Variants in CDH12 observed in about 807,000 individuals in gnomAD.
The protein encoded by CDH12 is cadherin 12.
Under a neutral mutation model 74.1 loss-of-function variants are expected in CDH12, and 41 were observed. That is an observed-to-expected ratio of 0.55 (90% confidence interval 0.43 to 0.72). CDH12 has a LOEUF of 0.72. CDH12 is among the 30% of genes least tolerant of loss of function. CDH12 has a pLI of 0.00. For missense variants in CDH12, 945 were observed against 977.2 expected (o/e 0.97, Z 0.44); for synonymous variants, 399 against 355.0 (o/e 1.12, Z -1.39).
chr5:22,325,542 G>C (rs965374560), intron 3 of CDH12, among the ~76,000 whole-genome samples: 3 of 149,890 alleles, frequency 2.0e-5, no homozygotes, highest in Non-Finnish European at 4.4e-5. Context: ...TTAGAAAGTA[G>C]AACTTCATTC....
Position 22,742,814 on chromosome 5 carries a change from C to G in CDH12, c.-523+110244G>C, listed in dbSNP as rs538041003. Among the ~76,000 whole-genome samples the G allele has an allele frequency of 2.8e-4, 42 of 151,626 alleles. 1 individual carries two copies. Among genetic ancestry groups the G allele is most frequent in the African/African-American group, 8.9e-4 (37 of 41,406 alleles). ...TATACACAGGTATATTTGCATTCCACTATGTGGTGGTTAATTTTATGTGTC... is the reference window on the plus strand; with the variant it reads ...TATACACAGGTATATTTGCATTCCAGTATGTGGTGGTTAATTTTATGTGTC... On this transcript the variant is annotated intron_variant, in intron 1 of 14. Transcript: ENST00000382254.
intron 3 of CDH12, among the ~76,000 whole-genome samples, chr5:22,364,416 A>C (rs952738042): frequency 6.6e-6 from 1 of 152,180 alleles, no homozygotes; most frequent in Non-Finnish European, 1.5e-5. Flanking sequence ...AATTGTGTGT[A>C]TCTCCTGGAA....
intron 5 of CDH12, among the ~76,000 whole-genome samples, chr5:22,072,530 TTGTGTGTGTGTGTGTG>T (rs36214247): frequency 6.8e-6 from 1 of 146,244 alleles, no homozygotes; most frequent in African/African-American, 2.5e-5. Context: ...TATAGCACTT[TTGTGTGTGTGTGTGTG>T]TGTGTGTGTG....
intron 1 of CDH12, among the ~76,000 whole-genome samples, chr5:22,713,764 C>A (rs1329437859): frequency 6.6e-6 from 1 of 152,072 alleles, no homozygotes; most frequent in Admixed American, 6.6e-5. Flanking sequence ...TATTTCAGTG[C>A]TTAGTCTTAT....
chr5:22,815,143 C>T (rs1296912097), intron 1 of CDH12, among the ~76,000 whole-genome samples: 1 of 152,062 alleles, frequency 6.6e-6, no homozygotes, highest in African/African-American at 2.4e-5. Context: ...GCGATGATCA[C>T]ATGCAACTCT....
chr5:22,256,091 G>T (rs768934650), intron 3 of CDH12, among the ~76,000 whole-genome samples: 1 of 152,042 alleles, frequency 6.6e-6, no homozygotes, highest in Non-Finnish European at 1.5e-5. Context: ...ATGCATATTT[G>T]CTAAACAGTT....
chr5:22,591,886 G>T (rs1490519747), intron 1 of CDH12, among the ~76,000 whole-genome samples: 1 of 152,040 alleles, frequency 6.6e-6, no homozygotes, highest in Non-Finnish European at 1.5e-5. Context: ...GCTAAACTTT[G>T]TCCTTTGATG....
chr5:22,412,752 G>A lies in CDH12; in HGVS notation c.-427-7401C>T, dbSNP rs555329857. 5.3e-5 allele frequency among the ~76,000 whole-genome samples: 8 copies of A among 151,990 alleles called. No homozygotes were observed. The East Asian group carries it at 1.4e-3, about 26-fold the overall frequency. ...TAACTCTGTATAAACAAGCATCCAT[G>A]TTTCAATCTTTTCTTTGAGGAAATA... On this transcript the variant is annotated intron_variant, in intron 2 of 14. Transcript: ENST00000382254.
intron 1 of CDH12, among the ~76,000 whole-genome samples, chr5:22,548,521 A>G (rs948932866): frequency 9.9e-5 from 15 of 152,122 alleles, no homozygotes; most frequent in African/African-American, 3.6e-4. Flanking sequence ...TGCCTACCAA[A>G]TAACATGAAA....
At chr5:21,831,535 A>C (rs1749023150) in intron 8 of CDH12, among the ~76,000 whole-genome samples, 3 of 152,174 alleles carry the variant, frequency 2.0e-5, no homozygotes, top group East Asian at 1.9e-4. Flanking sequence ...AAATCAGGGA[A>C]CTGGCTAATG....
intron 5 of CDH12, among the ~76,000 whole-genome samples, chr5:22,062,540 A>C (rs1228941672): frequency 2.6e-5 from 4 of 152,072 alleles, no homozygotes; most frequent in Non-Finnish European, 5.9e-5. Context: ...TGTTCCTTCC[A>C]CTGTTTTGCC....
chr5:22,400,716 T>C (rs1208447241), intron 3 of CDH12, among the ~76,000 whole-genome samples: 2 of 152,132 alleles, frequency 1.3e-5, no homozygotes, highest in Non-Finnish European at 2.9e-5. Flanking sequence ...TTTTAGCCCC[T>C]TTTGCCAGGT....
chr5:21,765,803 C>G (rs1267800399), intron 11 of CDH12, among the ~76,000 whole-genome samples: 5 of 152,028 alleles, frequency 3.3e-5, no homozygotes, highest in Non-Finnish European at 7.4e-5. Flanking sequence ...GGATTATTAT[C>G]TGGATCTCTG....
chr5:22,501,732 C>T (rs1160990166), intron 2 of CDH12, among the ~76,000 whole-genome samples: 3 of 139,530 alleles, frequency 2.2e-5, no homozygotes, highest in Non-Finnish European at 4.6e-5. Flanking sequence ...TTAGTTATGC[C>T]TTACAAAGTA....
chr5:21,867,429 T>C (rs1179881250), intron 6 of CDH12, among the ~76,000 whole-genome samples: 1 of 152,168 alleles, frequency 6.6e-6, no homozygotes, highest in East Asian at 1.9e-4. Context: ...TGGAAATGCC[T>C]GGATGTCTAG....
intron 6 of CDH12, among the ~76,000 whole-genome samples, chr5:21,865,071 T>A (rs750262973): frequency 1.3e-5 from 2 of 152,168 alleles, no homozygotes; most frequent in Non-Finnish European, 2.9e-5. Flanking sequence ...TATTTCATGT[T>A]TCAAATAACT....
chr5:21,887,697 T>C (rs760321594), intron 6 of CDH12, among the ~76,000 whole-genome samples: 10 of 152,136 alleles, frequency 6.6e-5, no homozygotes, highest in Non-Finnish European at 1.3e-4. Context: ...GCCCTCCAGG[T>C]CCTTCATATA....
chr5:22,251,965 T>C (rs181713819), intron 3 of CDH12, among the ~76,000 whole-genome samples: 152 of 152,278 alleles, frequency 1.0e-3, no homozygotes, highest in Non-Finnish European at 1.9e-3. Context: ...CAGATACAAC[T>C]GTAGCTTAAA....
chr5:21,887,911 T>C (rs10069175), intron 6 of CDH12, among the ~76,000 whole-genome samples: 18,189 of 63,256 alleles, frequency 0.29, 1,361 homozygotes, highest in East Asian at 0.47. Flanking sequence ...CCCAATACTG[T>C]ATTTTTTTTT....
Sources: allele counts gnomAD v4.1 joint callset (sites outside exome capture counted in the v4.1 genomes callset), GRCh38; gene constraint gnomAD v4.1.1; transcripts MANE v1.5; gene names NCBI Gene and HGNC (gene_info 2026-07-23, HGNC 2026-07-21).